The following STXBP5L variants were observed in gnomAD, a reference collection of about 807,000 sequenced individuals.
The protein encoded by STXBP5L is syntaxin binding protein 5L, also known as syntaxin-binding protein 5-like.
In STXBP5L, 65 loss-of-function variants were observed where a neutral mutation model predicts 144.5. The ratio of observed to expected loss-of-function variants is 0.45; its 90% CI spans 0.37 to 0.55. The LOEUF is 0.55. Among genes scored for constraint, STXBP5L ranks in the 20% least tolerant of loss-of-function variants. STXBP5L has a pLI of 0.00. For synonymous variants in STXBP5L, 505 were observed against 469.6 expected, an observed-to-expected ratio of 1.08 and a Z score of -0.97; for missense variants, 1,298 against 1,405.5, an observed-to-expected ratio of 0.92 and a Z score of 1.22.
At chr3:121,041,897 ATTAC>A in intron 4 of STXBP5L, 116 bp downstream of exon 4, 2 of 627,138 alleles carry the variant, frequency 3.2e-6, no homozygotes, top group Non-Finnish European at 5.6e-6. Flanking sequence ...TGCATGCAAT[ATTAC>A]TTCTGATTAT....
intron 5 of STXBP5L, among the ~76,000 whole-genome samples, chr3:121,076,151 G>A (rs375258998): frequency 4.5e-4 from 69 of 152,244 alleles, no homozygotes; most frequent in African/African-American, 1.6e-3. Flanking sequence ...TGTGTTTCTC[G>A]GAGGGGCACC....
intron 10 of STXBP5L, among the ~76,000 whole-genome samples, chr3:121,213,896 T>C (rs2048677635): frequency 6.6e-6 from 1 of 152,190 alleles, no homozygotes; most frequent in Non-Finnish European, 1.5e-5. Context: ...TTAGAACTTA[T>C]TTGTTCAGGG....
rs376269444 is a variant in STXBP5L, at chr3:121,061,095, T to A, written c.470+15560T>A. 1.2e-4 allele frequency among the ~76,000 whole-genome samples: 18 copies of A among 152,332 alleles called. No individual in the cohort carries two copies. In the East Asian group the frequency reaches 3.5e-3, roughly 29 times the overall value. On this transcript the variant is annotated intron_variant, in intron 5 of 26. Coordinates refer to ENST00000471454, the MANE Select transcript of STXBP5L (RefSeq NM_001308330.2). ...TTGATTTTAGATCTTTCCCACATTCTCCTGTGGGCATTTAATGCTATAAAT... is the reference window on the plus strand; with the variant it reads ...TTGATTTTAGATCTTTCCCACATTCACCTGTGGGCATTTAATGCTATAAAT...
At position 121,422,306 on chromosome 3, in the gene STXBP5L, A is replaced by C. The variant is rs1190418497; in HGVS notation, c.*3209A>C. 6.6e-6 allele frequency: 1 copy of C among 152,232 alleles called. No individual in the cohort carries two copies. The highest frequency in any genetic ancestry group is 2.4e-5 in the African/African-American group (1 of 41,464). 9.4% of individuals were successfully genotyped at this position (152,232 alleles called of 1,614,324 possible). A position where few individuals can be genotyped will look rare whatever the true frequency, so the allele number is the denominator to read the frequency against. On this transcript the variant is annotated 3_prime_UTR_variant, in exon 27 of 27. Coordinates refer to ENST00000471454, the MANE Select transcript of STXBP5L (RefSeq NM_001308330.2). ...GAGCCTTAGTTACCATCAAAATTAC[A>C]TTCTATCTGCTAAAGCGACATCAGA...
chr3:121,000,301 T>C (rs1362549973), intron 3 of STXBP5L, among the ~76,000 whole-genome samples: 1 of 152,176 alleles, frequency 6.6e-6, no homozygotes, highest in Non-Finnish European at 1.5e-5. Context: ...ATTATGTTCA[T>C]TCTTTTACAT....
chr3:120,978,783 G>C (rs906580627), intron 3 of STXBP5L, among the ~76,000 whole-genome samples: 22 of 152,186 alleles, frequency 1.4e-4, no homozygotes, highest in Non-Finnish European at 2.5e-4. Flanking sequence ...TCAGCTGCAG[G>C]TCTGTTGGAG....
intron 3 of STXBP5L, among the ~76,000 whole-genome samples, chr3:121,021,086 G>T (rs1436398794): frequency 9.9e-5 from 15 of 151,986 alleles, no homozygotes. Flanking sequence ...CATAGTCCAT[G>T]CAACTGGACA....
At chr3:120,987,869 A>G (rs541773652) in intron 3 of STXBP5L, among the ~76,000 whole-genome samples, 1 of 151,980 alleles carries the variant, frequency 6.6e-6, no homozygotes, top group East Asian at 1.9e-4. Flanking sequence ...TTTGTGACAA[A>G]TTCTTGTTAA....
intron 9 of STXBP5L, chr3:121,158,520 C>A (rs538112799): frequency 6.6e-6 from 1 of 152,202 alleles, no homozygotes; most frequent in African/African-American, 2.4e-5. Flanking sequence ...AGTAAATGAT[C>A]AAATTATTGC....
chr3:120,992,600 G>T (rs192416168), intron 3 of STXBP5L, among the ~76,000 whole-genome samples: 2 of 152,034 alleles, frequency 1.3e-5, no homozygotes, highest in African/African-American at 2.4e-5. Flanking sequence ...TGGACGTGCA[G>T]TTCTATCCAT....
chr3:121,358,118 A>T (rs2045588094), intron 20 of STXBP5L, among the ~76,000 whole-genome samples: 1 of 152,218 alleles, frequency 6.6e-6, no homozygotes. Flanking sequence ...AGTTACAAAC[A>T]GTCCAATTAC....
chr3:121,136,949 C>T (rs2045284392), intron 7 of STXBP5L, among the ~76,000 whole-genome samples: 1 of 152,068 alleles, frequency 6.6e-6, no homozygotes, highest in Non-Finnish European at 1.5e-5. Context: ...GAGCTGGAGG[C>T]CATTATCCTA....
At chr3:121,075,953 A>T (rs1266188743) in intron 5 of STXBP5L, among the ~76,000 whole-genome samples, 2 of 152,218 alleles carry the variant, frequency 1.3e-5, no homozygotes, top group African/African-American at 4.8e-5. Flanking sequence ...AGTTGTTTGC[A>T]ATCAGCCCAG....
In STXBP5L at chr3:121,209,744, C is replaced by A. The variant is rs547931922; in HGVS notation, c.956+3743C>A. 2.6e-5 allele frequency among the ~76,000 whole-genome samples: 4 copies of A among 152,258 alleles called. No homozygotes were observed. The East Asian group carries it at 7.7e-4, about 29-fold the overall frequency. ...GATGGTTTCCAGCTTCATCCATGTCCCTACAAAGGACGTGAACTCATCCTT... is the reference window on the plus strand; with the variant it reads ...GATGGTTTCCAGCTTCATCCATGTCACTACAAAGGACGTGAACTCATCCTT... On this transcript the variant is annotated intron_variant, in intron 10 of 26. Coordinates refer to ENST00000471454, the MANE Select transcript of STXBP5L (RefSeq NM_001308330.2).
chr3:121,097,552 C>T (rs2043191009), intron 5 of STXBP5L, among the ~76,000 whole-genome samples: 1 of 152,088 alleles, frequency 6.6e-6, no homozygotes, highest in African/African-American at 2.4e-5. Context: ...TCATGGCTTC[C>T]CTTGGTTAGG....
intron 18 of STXBP5L, among the ~76,000 whole-genome samples, chr3:121,277,491 C>T (rs2050921917): frequency 6.6e-6 from 1 of 151,822 alleles, no homozygotes; most frequent in Non-Finnish European, 1.5e-5. Context: ...TTTATGTCTT[C>T]CATTCCTTCC....
intron 22 of STXBP5L, among the ~76,000 whole-genome samples, chr3:121,385,674 A>G (rs1318499558): frequency 1.3e-5 from 2 of 151,988 alleles, no homozygotes; most frequent in African/African-American, 2.4e-5. Flanking sequence ...TTTTCTTCTG[A>G]TCCCTTTTAC....
chr3:121,030,619 G>GTA (rs1174489542), intron 3 of STXBP5L, among the ~76,000 whole-genome samples: 4 of 152,012 alleles, frequency 2.6e-5, no homozygotes, highest in Non-Finnish European at 4.4e-5. Flanking sequence ...CATGGCACGT[G>GTA]TATACCTATG....
At chr3:121,306,833 A>G (rs2043352388) in intron 19 of STXBP5L, among the ~76,000 whole-genome samples, 1 of 152,154 alleles carries the variant, frequency 6.6e-6, no homozygotes, top group Non-Finnish European at 1.5e-5. Context: ...AGATCAGAAT[A>G]CTGTACAATG....
Sources: allele counts gnomAD v4.1 joint callset (sites outside exome capture counted in the v4.1 genomes callset), GRCh38; gene constraint gnomAD v4.1.1; transcripts MANE v1.5; gene names NCBI Gene and HGNC (gene_info 2026-07-23, HGNC 2026-07-21).